The following EYS variants were observed in gnomAD, a reference collection of about 807,000 sequenced individuals.
The protein encoded by EYS is EGF-like photoreceptor maintenance factor, also known as protein eyes shut homolog.
EYS carries 250 observed loss-of-function variants against 282.1 expected under a neutral mutation model. That is an observed-to-expected ratio of 0.89 (90% CI 0.80 to 0.98). EYS has a LOEUF of 0.98. EYS is among the 50% of genes least tolerant of loss of function. The pLI is 0.00. For synonymous variants in EYS, 1,355 were observed against 1,282.9 expected, an observed-to-expected ratio of 1.06 and a Z score of -1.20; for missense variants, 4,016 against 3,709.0, an observed-to-expected ratio of 1.08 and a Z score of -2.15.
intron 12 of EYS, among the ~76,000 whole-genome samples, chr6:65,170,830 C>T (rs994719009): frequency 3.3e-5 from 5 of 151,470 alleles, no homozygotes; most frequent in Non-Finnish European, 7.4e-5. Flanking sequence ...AATTTTCTCA[C>T]TTATTTTTAA....
In EYS at chr6:64,781,297, G is replaced by T. The variant is rs142051371; in HGVS notation, c.3443+32081C>A. On this transcript the variant is annotated intron_variant, in intron 22 of 42. Transcript: ENST00000503581. ...CAGACCTATTGAATCAGAATTTGTG[G>T]GGATAGGGACTAAGGCATCTAGTTT... Among the ~76,000 whole-genome samples the T allele has an allele frequency of 2.7e-3, 414 of 152,192 alleles. 9 individuals are homozygous for T. The East Asian group carries it at 0.074, about 27-fold the overall frequency.
intron 31 of EYS, among the ~76,000 whole-genome samples, chr6:64,197,702 C>A (rs1765333208): frequency 6.6e-6 from 1 of 151,192 alleles, no homozygotes; most frequent in Non-Finnish European, 1.5e-5. Flanking sequence ...TACCCCTTAT[C>A]ATTATATGGT....
chr6:65,619,992 C>A (rs1766405435), intron 2 of EYS, among the ~76,000 whole-genome samples: 1 of 151,954 alleles, frequency 6.6e-6, no homozygotes, highest in Admixed American at 6.6e-5. Flanking sequence ...CAATGTTCAT[C>A]AAGGATATTG....
At chr6:64,781,951 T>C (rs1273016389) in intron 22 of EYS, among the ~76,000 whole-genome samples, 1 of 152,240 alleles carries the variant, frequency 6.6e-6, no homozygotes, top group African/African-American at 2.4e-5. Context: ...ACAGTGGATA[T>C]GAAATTGATT....
At chr6:65,599,867 C>G (rs1012225722) in intron 2 of EYS, among the ~76,000 whole-genome samples, 1 of 151,922 alleles carries the variant, frequency 6.6e-6, no homozygotes, top group African/African-American at 2.4e-5. Context: ...CAAACAAATA[C>G]CTTGAGTGCT....
chr6:65,036,847 A>T, intron 13 of EYS, among the ~76,000 whole-genome samples: 1 of 151,968 alleles, frequency 6.6e-6, no homozygotes, highest in Non-Finnish European at 1.5e-5. Context: ...GGGAATATTT[A>T]TACACTGCTG....
At chr6:65,478,385 T>C (rs1474816422) in intron 5 of EYS, among the ~76,000 whole-genome samples, 1 of 152,092 alleles carries the variant, frequency 6.6e-6, no homozygotes, top group Non-Finnish European at 1.5e-5. Flanking sequence ...CACAAAATGG[T>C]GGACATAAAA....
intron 26 of EYS, among the ~76,000 whole-genome samples, chr6:64,578,424 C>G (rs1242445923): frequency 6.6e-6 from 1 of 151,992 alleles, no homozygotes; most frequent in African/African-American, 2.4e-5. Context: ...TTTCTTCTCC[C>G]CTATAGCTAC....
intron 8 of EYS, among the ~76,000 whole-genome samples, chr6:65,379,284 T>C (rs1765519623): frequency 6.6e-6 from 1 of 152,058 alleles, no homozygotes; most frequent in South Asian, 2.1e-4. Flanking sequence ...AATTTGGCTT[T>C]ATCCATGGGA....
intron 37 of EYS, among the ~76,000 whole-genome samples, chr6:63,790,460 A>AAT (rs1474054884): frequency 6.6e-6 from 1 of 152,212 alleles, no homozygotes; most frequent in Non-Finnish European, 1.5e-5. Flanking sequence ...AGGTGAGTCT[A>AAT]ATATATACAG....
intron 12 of EYS, among the ~76,000 whole-genome samples, chr6:65,197,440 T>A (rs909802575): frequency 2.0e-5 from 3 of 152,078 alleles, no homozygotes; most frequent in Admixed American, 1.3e-4. Flanking sequence ...ATGTGAAATA[T>A]CACTTATGTG....
At chr6:64,858,153 T>C (rs1198029169) in intron 19 of EYS, among the ~76,000 whole-genome samples, 2 of 152,208 alleles carry the variant, frequency 1.3e-5, no homozygotes, top group African/African-American at 2.4e-5. Flanking sequence ...TTCAGAGTTA[T>C]ATTAAAAAAA....
At chr6:65,264,118 T>C (rs1160329216) in intron 12 of EYS, among the ~76,000 whole-genome samples, 2 of 152,112 alleles carry the variant, frequency 1.3e-5, no homozygotes, top group Non-Finnish European at 2.9e-5. Context: ...TTAAAAAAAT[T>C]AATCAACCTG....
intron 29 of EYS, among the ~76,000 whole-genome samples, chr6:64,308,269 A>G (rs1397676523): frequency 6.6e-6 from 1 of 152,092 alleles, no homozygotes; most frequent in Non-Finnish European, 1.5e-5. Flanking sequence ...TGATAACAAA[A>G]AGATACTAAG....
intron 24 of EYS, among the ~76,000 whole-genome samples, chr6:64,615,764 T>A (rs1767254393): frequency 6.6e-6 from 1 of 152,256 alleles, no homozygotes; most frequent in African/African-American, 2.4e-5. Flanking sequence ...AGTTTTTAAA[T>A]TTTGTTTCAG....
intron 31 of EYS, among the ~76,000 whole-genome samples, chr6:64,177,726 T>G (rs369112470): frequency 6.6e-6 from 1 of 152,134 alleles, no homozygotes; most frequent in African/African-American, 2.4e-5. Context: ...CTATTTAATT[T>G]TCCATACTTT....
chr6:65,180,742 T>C (rs1192033653), intron 12 of EYS, among the ~76,000 whole-genome samples: 1 of 152,118 alleles, frequency 6.6e-6, no homozygotes, highest in South Asian at 2.1e-4. Context: ...AGAGCCTGCA[T>C]TGCCAAGTCA....
At chr6:65,456,427 C>A (rs188341074) in intron 5 of EYS, among the ~76,000 whole-genome samples, 1 of 148,940 alleles carries the variant, frequency 6.7e-6, no homozygotes, top group Admixed American at 6.8e-5. Flanking sequence ...TCCAGCCTAG[C>A]GACAGAGTGA....
intron 36 of EYS, among the ~76,000 whole-genome samples, chr6:63,814,122 G>T (rs1363813890): frequency 6.6e-6 from 1 of 152,098 alleles, no homozygotes; most frequent in African/African-American, 2.4e-5. Context: ...CATTGTCTTT[G>T]TTGTTTCTGT....
Sources: allele counts gnomAD v4.1 joint callset (sites outside exome capture counted in the v4.1 genomes callset), GRCh38; gene constraint gnomAD v4.1.1; transcripts MANE v1.5; gene names NCBI Gene and HGNC (gene_info 2026-07-23, HGNC 2026-07-21).